KDM1A: variants seen among roughly 807,000 people sequenced by gnomAD.
KDM1A encodes the protein lysine-specific histone demethylase 1A.
KDM1A carries 49 observed loss-of-function variants against 109.4 expected under a neutral mutation model. The ratio of observed to expected loss-of-function variants is 0.45; its 90% CI spans 0.36 to 0.57. KDM1A has a LOEUF of 0.57. Among genes scored for constraint, KDM1A ranks in the 20% least tolerant of loss-of-function variants. The pLI, the probability that KDM1A is intolerant of heterozygous loss-of-function variation, is 0.00. For missense variants in KDM1A, 668 were observed against 1,116.6 expected (o/e 0.60, Z 5.73); for synonymous variants, 380 against 415.4 (o/e 0.91, Z 1.04).
chr1:23,056,888 T>A (rs1435103500), intron 7 of KDM1A, among the ~76,000 whole-genome samples: 1 of 151,814 alleles, frequency 6.6e-6, no homozygotes, highest in Non-Finnish European at 1.5e-5. Context: ...TCAGCCATAC[T>A]TGAAAATCCC....
chr1:23,077,944 G>T (rs1485226497), intron 16 of KDM1A, among the ~76,000 whole-genome samples: 1 of 152,182 alleles, frequency 6.6e-6, no homozygotes, highest in East Asian at 1.9e-4. Context: ...TTGCTATGGG[G>T]ATAGGCTCAA....
chr1:23,083,167 C>G lies in KDM1A; in HGVS notation c.2446-12C>G, dbSNP rs1238695441. Reference sequence around the variant, plus strand: ...TGCAGCCTGCCAATTTTCTCTTTTTCCCCTAAAATAGCCGATTCCACGACT... The same window carrying G: ...TGCAGCCTGCCAATTTTCTCTTTTTGCCCTAAAATAGCCGATTCCACGACT... On this transcript the variant is annotated splice_polypyrimidine_tract_variant and intron_variant, in intron 20 of 20. Transcript: ENST00000400181. 1 of 1,600,676 alleles carries G rather than the reference C, an allele frequency of 6.2e-7. No individual in the cohort carries two copies. Among genetic ancestry groups the G allele is most frequent in the Non-Finnish European group, 8.5e-7 (1 of 1,170,284 alleles).
intron 2 of KDM1A, among the ~76,000 whole-genome samples, chr1:23,031,538 G>A (rs1307588604): frequency 2.6e-5 from 4 of 151,928 alleles, no homozygotes; most frequent in Non-Finnish European, 2.9e-5. Flanking sequence ...CCCAGATTAA[G>A]ACATACTTCA....
At chr1:23,040,430 G>A (rs1336635122) in intron 2 of KDM1A, among the ~76,000 whole-genome samples, 1 of 152,146 alleles carries the variant, frequency 6.6e-6, no homozygotes, top group Admixed American at 6.5e-5. Flanking sequence ...CTGAAAGGCT[G>A]TTATGTAAGA....
At chr1:23,082,002 A>ACCG in intron 19 of KDM1A, 1 of 356,796 alleles carries the variant, frequency 2.8e-6, no homozygotes, top group Non-Finnish European at 4.9e-6. Context: ...CTCTGGATTC[A>ACCG]TAGACAGGAA....
rs374078607 is a variant in KDM1A, at chr1:23,024,149, A to G, written c.351+4202A>G. Among the ~76,000 whole-genome samples the G allele has an allele frequency of 1.3e-4, 19 of 151,734 alleles. No individual in the cohort carries two copies. In the East Asian group the frequency reaches 3.5e-3, roughly 28 times the overall value. On this transcript the variant is annotated intron_variant, in intron 1 of 20. Coordinates refer to ENST00000400181, the MANE Select transcript of KDM1A (RefSeq NM_001009999.3). ...CAGACATGAGCCACCTCACCCAACCAAGATTTTTTTCTTTGTAATTCTCCT... is the reference window on the plus strand; with the variant it reads ...CAGACATGAGCCACCTCACCCAACCGAGATTTTTTTCTTTGTAATTCTCCT...
At chr1:23,031,463 C>A (rs1480452201) in intron 2 of KDM1A, among the ~76,000 whole-genome samples, 1 of 152,106 alleles carries the variant, frequency 6.6e-6, no homozygotes, top group Non-Finnish European at 1.5e-5. Flanking sequence ...TAGTCCTGTA[C>A]CTTTTAAAAA....
In KDM1A at chr1:23,019,956, C is replaced by T. The variant is rs1328799467; in HGVS notation, c.351+9C>T. On this transcript the variant is annotated intron_variant, in intron 1 of 20. Coordinates refer to ENST00000400181, the MANE Select transcript of KDM1A (RefSeq NM_001009999.3). ...GGCGCAAGCGGGCGAAGGTAAGGCTCGACCCTTCCCTCAAACGACACCGCC... is the reference window on the plus strand; with the variant it reads ...GGCGCAAGCGGGCGAAGGTAAGGCTTGACCCTTCCCTCAAACGACACCGCC... 5 of 1,527,618 alleles carry T rather than the reference C, an allele frequency of 3.3e-6. No individual in the cohort carries two copies. Among genetic ancestry groups the T allele is most frequent in the East Asian group, 5.4e-5 (2 of 37,356 alleles). The allele number at this position is 1,527,618 out of a possible 1,614,324, so 94.6% of individuals were successfully genotyped here.
Position 23,083,538 on chromosome 1 carries a change from C to T in KDM1A, c.*174C>T, listed in dbSNP as rs1424543299. 4 of 539,358 alleles carry T rather than the reference C, an allele frequency of 7.4e-6. No individual in the cohort carries two copies. The highest frequency in any genetic ancestry group is 1.9e-5 in the African/African-American group (1 of 53,264). The allele number at this position is 539,358 out of a possible 1,614,324, so 33.4% of individuals were successfully genotyped here. ...CTTGCCTCCTTTGAATGACCTAGAG[C>T]ACAGGGAGGAACTTGTCCATTAGTT... On this transcript the variant is annotated 3_prime_UTR_variant, in exon 21 of 21. Coordinates refer to ENST00000400181, the MANE Select transcript of KDM1A (RefSeq NM_001009999.3).
intron 13 of KDM1A, 71 bp downstream of exon 13, chr1:23,071,430 T>G: frequency 1.4e-6 from 2 of 1,459,082 alleles, no homozygotes; most frequent in South Asian, 2.9e-5. Context: ...TGGGGAATTT[T>G]GGAAAAGAGA....
At chr1:23,071,920 C>T (rs944666073) in intron 13 of KDM1A, among the ~76,000 whole-genome samples, 3 of 152,148 alleles carry the variant, frequency 2.0e-5, no homozygotes, top group African/African-American at 7.2e-5. Flanking sequence ...TTGCCTCCCC[C>T]TAATATTCCA....
At position 23,019,511 on chromosome 1, in the gene KDM1A, T is replaced by TGAAGCGAGGC. The variant is rs1641536628; in HGVS notation, c.-83_-74dup. 2.3e-6 allele frequency: 3 copies of TGAAGCGAGGC among 1,307,852 alleles called. No homozygotes were observed. Among genetic ancestry groups the TGAAGCGAGGC allele is most frequent in the South Asian group, 5.2e-5 (2 of 38,648 alleles). 81.0% of individuals were successfully genotyped at this position (1,307,852 alleles called of 1,614,324 possible). On this transcript the variant is annotated 5_prime_UTR_variant, in exon 1 of 21. Transcript: ENST00000400181. ...GGCGGTTGGCGGCGCGCGGGCAGCGTGAAGCGAGGCGAGGCAAGGCTTTTC... is the reference window on the plus strand; with the variant it reads ...GGCGGTTGGCGGCGCGCGGGCAGCGTGAAGCGAGGCGAAGCGAGGCGAGGCAAGGCTTTTC...
At chr1:23,044,196 G>T (rs1642435830) in intron 2 of KDM1A, 6 of 454,308 alleles carry the variant, frequency 1.3e-5, no homozygotes, top group African/African-American at 6.1e-5. Context: ...TATGTACTTT[G>T]TTCCACTGCC....
At position 23,056,002 on chromosome 1, in the gene KDM1A, A is replaced by G. The variant is rs767047706; in HGVS notation, c.954A>G (p.Gln318=). ...GCTTGGCAGCAGCTCGACAGTTACA[A>G]AGTTTTGGAATGGATGTCACACTTT... ...VSGLAAARQL[Q]SFGMDVTLLE... is the part of the protein sequence containing the mutation. The change falls in exon 7 of 21, where the codon CAA becomes CAG. Residue 318 remains glutamine (Q), a synonymous_variant. Transcript: ENST00000400181. 1.6e-5 allele frequency: 26 copies of G among 1,613,036 alleles called. No individual in the cohort carries two copies. Among genetic ancestry groups the G allele is most frequent in the South Asian group, 4.4e-5 (4 of 91,050 alleles).
chr1:23,066,774 C>T (rs1329661596), intron 10 of KDM1A, among the ~76,000 whole-genome samples: 1 of 152,164 alleles, frequency 6.6e-6, no homozygotes, highest in Non-Finnish European at 1.5e-5. Context: ...AATTGTTTCT[C>T]CTTTTTGAAA....
chr1:23,053,319 C>T (rs1012962787), intron 4 of KDM1A, among the ~76,000 whole-genome samples: 22 of 152,076 alleles, frequency 1.4e-4, no homozygotes, highest in African/African-American at 5.3e-4. Context: ...AGGAGTATAA[C>T]GTCACTGTTT....
chr1:23,071,168 T>C, intron 12 of KDM1A, 57 bp from the exon 13 acceptor site: 1 of 1,472,290 alleles, frequency 6.8e-7, no homozygotes, highest in Non-Finnish European at 9.3e-7. Context: ...GTACATGTGA[T>C]GTAGACATAA....
In KDM1A at chr1:23,083,550, C is replaced by T. The variant is rs543947562; in HGVS notation, c.*186C>T. 8.1e-6 allele frequency: 4 copies of T among 490,830 alleles called. No homozygotes were observed. The Admixed American group carries it at 1.0e-4, about 12-fold the overall frequency. 30.4% of individuals were successfully genotyped at this position (490,830 alleles called of 1,614,324 possible). ...GAATGACCTAGAGCACAGGGAGGAACTTGTCCATTAGTTTGGAATTGTGTT... is the reference window on the plus strand; with the variant it reads ...GAATGACCTAGAGCACAGGGAGGAATTTGTCCATTAGTTTGGAATTGTGTT... On this transcript the variant is annotated 3_prime_UTR_variant, in exon 21 of 21. Transcript: ENST00000400181.
intron 18 of KDM1A, 63 bp from the exon 19 acceptor site, chr1:23,081,382 GA>G: frequency 6.3e-7 from 1 of 1,592,620 alleles, no homozygotes; most frequent in Non-Finnish European, 8.6e-7. Flanking sequence ...GGTGGGGCCT[GA>G]TAAGGAAGTT....
Sources: gnomAD v4.1 joint callset for allele counts (sites outside exome capture counted in the v4.1 genomes callset) on GRCh38, gnomAD v4.1.1 for gene constraint, MANE v1.5 for transcripts, NCBI Gene and HGNC (gene_info 2026-07-23, HGNC 2026-07-21) for gene names.